The following ZBTB20 variants were observed in gnomAD, a reference collection of about 807,000 sequenced individuals.
ZBTB20 encodes the protein zinc finger and BTB domain-containing protein 20.
ZBTB20 carries 9 observed loss-of-function variants against 56.9 expected under a neutral mutation model. That is an observed-to-expected ratio of 0.16 (90% CI 0.10 to 0.28). The LOEUF (loss-of-function observed/expected upper bound fraction) is 0.28, where lower values mean the gene tolerates loss of function less well. Among genes scored for constraint, ZBTB20 ranks in the 10% least tolerant of loss-of-function variants. The pLI, the probability that ZBTB20 is intolerant of heterozygous loss-of-function variation, is 1.00. For synonymous variants in ZBTB20, 417 were observed against 420.7 expected (o/e 0.99, Z 0.11); for missense variants, 655 against 1,003.0 (o/e 0.65, Z 4.69).
chr3:114,593,207 C>A (rs984094696), intron 6 of ZBTB20, among the ~76,000 whole-genome samples: 1 of 152,032 alleles, frequency 6.6e-6, no homozygotes, highest in Admixed American at 6.6e-5. Flanking sequence ...AAAAAGCGTT[C>A]TTTTATTAGT....
At chr3:114,499,567 G>T (rs922077763) in intron 7 of ZBTB20, among the ~76,000 whole-genome samples, 12 of 152,294 alleles carry the variant, frequency 7.9e-5, no homozygotes, top group African/African-American at 2.9e-4. Flanking sequence ...ACTACCTGTA[G>T]GATCTTTTGG....
intron 2 of ZBTB20, among the ~76,000 whole-genome samples, chr3:115,010,920 G>A (rs1370462623): frequency 6.6e-6 from 1 of 151,928 alleles, no homozygotes; most frequent in Admixed American, 6.6e-5. Context: ...AAGGAATTCA[G>A]AATTTTATCA....
chr3:114,419,660 C>G (rs1047048140), intron 7 of ZBTB20, among the ~76,000 whole-genome samples: 1 of 152,058 alleles, frequency 6.6e-6, no homozygotes, highest in Admixed American at 6.6e-5. Flanking sequence ...ACTTTAATCA[C>G]TAAGTTTTAG....
intron 5 of ZBTB20, among the ~76,000 whole-genome samples, chr3:114,699,613 T>C (rs1190718114): frequency 6.6e-6 from 1 of 152,152 alleles, no homozygotes; most frequent in African/African-American, 2.4e-5. Flanking sequence ...TTTTAAAAAA[T>C]GGGGCTACCA....
Position 114,399,982 on chromosome 3 carries a change from A to G in ZBTB20, c.-254-10877T>C, listed in dbSNP as rs1188641949. Among the ~76,000 whole-genome samples the G allele has an allele frequency of 2.0e-5, 3 of 152,258 alleles. No homozygotes were observed. The East Asian group carries it at 5.8e-4, about 29-fold the overall frequency. The stretch of plus-strand genomic sequence containing the variant: ...TGAGGAGATTGAGGTGGATGGGGTG[A>G]AGAGGAAGGAAAGGGCAGTTTAAGC... On this transcript the variant is annotated intron_variant, in intron 7 of 11. Coordinates refer to ENST00000675478, the MANE Select transcript of ZBTB20 (RefSeq NM_001348800.3).
chr3:114,450,042 C>A (rs1178900611), intron 7 of ZBTB20, among the ~76,000 whole-genome samples: 2 of 152,134 alleles, frequency 1.3e-5, no homozygotes, highest in African/African-American at 4.8e-5. Flanking sequence ...AATGTGCAAG[C>A]CTTAATGGGG....
chr3:114,689,730 T>C (rs2062581879), intron 6 of ZBTB20, among the ~76,000 whole-genome samples: 1 of 152,180 alleles, frequency 6.6e-6, no homozygotes, highest in Non-Finnish European at 1.5e-5. Context: ...GAACTGTGGG[T>C]AAACTTATGG....
intron 5 of ZBTB20, among the ~76,000 whole-genome samples, chr3:114,766,600 T>C (rs148500252): frequency 6.6e-6 from 1 of 151,860 alleles, no homozygotes; most frequent in East Asian, 1.9e-4. Flanking sequence ...TATAGCGTTA[T>C]ACAATGTGTT....
At chr3:114,620,787 C>A (rs181526258) in intron 6 of ZBTB20, among the ~76,000 whole-genome samples, 1 of 152,250 alleles carries the variant, frequency 6.6e-6, no homozygotes, top group African/African-American at 2.4e-5. Flanking sequence ...GAAAAAACTT[C>A]AACTTAAAAG....
intron 6 of ZBTB20, among the ~76,000 whole-genome samples, chr3:114,541,661 C>G (rs138424601): frequency 3.9e-5 from 6 of 152,080 alleles, no homozygotes; most frequent in Admixed American, 3.9e-4. Context: ...TGTGATAGTA[C>G]CTACAGACCT....
rs2078901859 is a variant in ZBTB20 at position 114,321,746 on chromosome 3, TTC to T, written c.*17257_*17258del. ...TTTAACTTTGAGCTGTCCTTGGTTTTTCTCTCAGTCAGTTGCTCCAGTTTAAA... is the reference window on the plus strand; with the variant it reads ...TTTAACTTTGAGCTGTCCTTGGTTTTTCTCAGTCAGTTGCTCCAGTTTAAA... On this transcript the variant is annotated 3_prime_UTR_variant, in exon 12 of 12. Coordinates refer to ENST00000675478, the MANE Select transcript of ZBTB20 (RefSeq NM_001348800.3). The T allele has an allele frequency of 1.3e-5, 2 of 152,250 alleles. No homozygotes were observed. Among genetic ancestry groups the T allele is most frequent in the African/African-American group, 2.4e-5 (1 of 41,468 alleles). 9.4% of individuals were successfully genotyped at this position (152,250 alleles called of 1,614,324 possible).
At chr3:115,048,284 C>T (rs1258085201) in intron 2 of ZBTB20, among the ~76,000 whole-genome samples, 1 of 152,124 alleles carries the variant, frequency 6.6e-6, no homozygotes, top group African/African-American at 2.4e-5. Context: ...TAAATCTTTT[C>T]TTAATTGTAT....
chr3:114,509,241 C>T (rs1456631917), intron 6 of ZBTB20, among the ~76,000 whole-genome samples: 2 of 152,126 alleles, frequency 1.3e-5, no homozygotes, highest in Non-Finnish European at 2.9e-5. Flanking sequence ...TTTGGGGATA[C>T]TCTTAGTGAG....
chr3:114,799,082 T>C (rs2071530734), intron 5 of ZBTB20, among the ~76,000 whole-genome samples: 1 of 152,048 alleles, frequency 6.6e-6, no homozygotes, highest in South Asian at 2.1e-4. Flanking sequence ...TAGCTTTTTA[T>C]GCACTAAAAG....
rs1230969676 is a variant in ZBTB20, at chr3:115,134,483, C to CT, written c.-703+12735dup. Reference sequence around the variant, plus strand: ...TCTAGATCTATCCTCCAAATCTCATCTTTTTTTTTTCAATATTTCATCATG... The same window carrying CT: ...TCTAGATCTATCCTCCAAATCTCATCTTTTTTTTTTTCAATATTTCATCATG... On this transcript the variant is annotated intron_variant, in intron 1 of 11. Transcript: ENST00000675478. 6.7e-3 allele frequency among the ~76,000 whole-genome samples: 989 copies of CT among 148,428 alleles called. 13 individuals carry two copies. Among genetic ancestry groups the CT allele is most frequent in the African/African-American group, 0.022 (894 of 40,618 alleles).
intron 4 of ZBTB20, among the ~76,000 whole-genome samples, chr3:114,808,702 T>A (rs1482981654): frequency 6.6e-6 from 1 of 152,064 alleles, no homozygotes; most frequent in African/African-American, 2.4e-5. Context: ...CTTTGTTATA[T>A]CCTTCCTTCT....
chr3:114,398,096 A>G (rs1041936859), intron 7 of ZBTB20, among the ~76,000 whole-genome samples: 1 of 152,124 alleles, frequency 6.6e-6, no homozygotes, highest in South Asian at 2.1e-4. Context: ...AAAAAATTAT[A>G]TAGGACTTTT....
At chr3:115,051,510 A>G (rs2108438137) in intron 2 of ZBTB20, among the ~76,000 whole-genome samples, 1 of 152,286 alleles carries the variant, frequency 6.6e-6, no homozygotes, top group Non-Finnish European at 1.5e-5. Context: ...AAATGAATAC[A>G]TAGGTATTCA....
intron 5 of ZBTB20, among the ~76,000 whole-genome samples, chr3:114,799,785 C>T (rs1418420708): frequency 6.6e-6 from 1 of 151,922 alleles, no homozygotes; most frequent in Non-Finnish European, 1.5e-5. Flanking sequence ...GCCAAAGTCT[C>T]CTTCATTTCA....
Sources: allele counts gnomAD v4.1 joint callset (sites outside exome capture counted in the v4.1 genomes callset), GRCh38; gene constraint gnomAD v4.1.1; transcripts MANE v1.5; gene names NCBI Gene and HGNC (gene_info 2026-07-23, HGNC 2026-07-21).